Variants in SLC35D1 observed in about 807,000 individuals in gnomAD.
SLC35D1 encodes solute carrier family 35 member D1.
Under a neutral mutation model 46.7 loss-of-function variants are expected in SLC35D1, and 31 were observed. The observed-to-expected ratio is 0.66, with a 90% CI of 0.50 to 0.90. SLC35D1 has a LOEUF of 0.90. Among genes scored for constraint, SLC35D1 ranks in the 40% least tolerant of loss-of-function variants. The pLI is 0.00. For missense variants in SLC35D1, 397 were observed against 426.2 expected, an observed-to-expected ratio of 0.93 and a Z score of 0.60; for synonymous variants, 195 against 164.6, an observed-to-expected ratio of 1.18 and a Z score of -1.41.
intron 7 of SLC35D1, among the ~76,000 whole-genome samples, chr1:67,042,912 A>G (rs1645208952): frequency 6.6e-6 from 1 of 152,106 alleles, no homozygotes; most frequent in African/African-American, 2.4e-5. Flanking sequence ...AAAAATACAA[A>G]AACAGCCAGG....
At chr1:67,008,485 C>A in intron 11 of SLC35D1, 1 of 1,285,924 alleles carries the variant, frequency 7.8e-7, no homozygotes, top group East Asian at 5.6e-5. Flanking sequence ...AGTTACAGTT[C>A]CTGAGACAGG....
chr1:67,033,053 A>G (rs994839403), intron 8 of SLC35D1, among the ~76,000 whole-genome samples: 1 of 152,098 alleles, frequency 6.6e-6, no homozygotes, highest in Non-Finnish European at 1.5e-5. Context: ...AGTTCCATCC[A>G]TGTTGTTGCA....
At position 67,004,345 on chromosome 1, in the gene SLC35D1, C is replaced by T; in HGVS notation, c.1063G>A (p.Val355Met). The T allele has an allele frequency of 6.2e-7, 1 of 1,613,948 alleles. No individual in the cohort carries two copies. Among genetic ancestry groups the T allele is most frequent in the South Asian group, 1.1e-5 (1 of 91,084 alleles). The change falls in exon 12 of 12, where the codon GTG (valine) becomes ATG (methionine). Residue 355 changes from valine to methionine, a missense_variant. Coordinates refer to ENST00000235345, the MANE Select transcript of SLC35D1 (RefSeq NM_015139.3). ...CAGATGAAGCAATCCTCTGGTCACA[C>T]TGCTCCTTTCCCCTTAATGTCCAGC... ...NKLDIKGKGA[V>M]
the SLC35D1 span, among the ~76,000 whole-genome samples, chr1:66,979,483 G>T: frequency 6.6e-6 from 1 of 152,084 alleles, no homozygotes; most frequent in Non-Finnish European, 1.5e-5. Flanking sequence ...TTTACTACCT[G>T]GAAGAATTGG....
At chr1:67,032,810 T>C (rs1266293103) in intron 8 of SLC35D1, among the ~76,000 whole-genome samples, 2 of 152,204 alleles carry the variant, frequency 1.3e-5, no homozygotes, top group Admixed American at 1.3e-4. Context: ...TGAACAATTA[T>C]CTTGTTGTGC....
intron 9 of SLC35D1, 80 bp downstream of exon 9, chr1:67,021,455 T>C (rs1667796219): frequency 7.1e-7 from 1 of 1,410,638 alleles, no homozygotes; most frequent in Non-Finnish European, 1.0e-6. Context: ...GACCTAAAGA[T>C]ATTGAGAAAA....
intron 10 of SLC35D1, among the ~76,000 whole-genome samples, chr1:67,012,996 T>C (rs1667597901): frequency 6.6e-6 from 1 of 151,616 alleles, no homozygotes; most frequent in Non-Finnish European, 1.5e-5. Flanking sequence ...ATAAAAAAAA[T>C]TCAAAAGGCA....
At chr1:67,028,419 A>G (rs967170224) in intron 8 of SLC35D1, among the ~76,000 whole-genome samples, 1 of 152,180 alleles carries the variant, frequency 6.6e-6, no homozygotes, top group Non-Finnish European at 1.5e-5. Flanking sequence ...TTTATCAATT[A>G]CTGAGTTAAA....
the SLC35D1 span, among the ~76,000 whole-genome samples, chr1:66,979,784 C>T: frequency 8.8e-5 from 13 of 147,556 alleles, no homozygotes; most frequent in East Asian, 2.0e-4. Flanking sequence ...TTTTTAAAGA[C>T]GGAGTCTCAA....
rs193161298 is a variant in SLC35D1, at chr1:67,027,175, A to G, written c.730-5573T>C. On this transcript the variant is annotated intron_variant, in intron 8 of 11. Coordinates refer to ENST00000235345, the MANE Select transcript of SLC35D1 (RefSeq NM_015139.3). Reference sequence around the variant, plus strand: ...TCTCAGTTGTCAAGTTTATTGGCATAATATTGTTCATAATATTCTCTTACT... The same window carrying G: ...TCTCAGTTGTCAAGTTTATTGGCATGATATTGTTCATAATATTCTCTTACT... Among the ~76,000 whole-genome samples the G allele has an allele frequency of 3.3e-3, 500 of 152,292 alleles. 6 individuals are homozygous for G. The highest frequency in any genetic ancestry group is 0.023 in the South Asian group (113 of 4,828).
At chr1:66,986,523 T>A in the SLC35D1 span, 1 of 1,359,568 alleles carries the variant, frequency 7.4e-7, no homozygotes, top group Non-Finnish European at 1.0e-6. Context: ...TGTAATTGAG[T>A]GAAGGTTTGC....
At chr1:66,997,494 C>A (rs1667250387), downstream of SLC35D1, among the ~76,000 whole-genome samples, 1 of 99,058 alleles carries the variant, frequency 1.0e-5, no homozygotes, top group Non-Finnish European at 2.0e-5. Flanking sequence ...CAGAGTGAGA[C>A]CCTGTGTTAA....
chr1:67,004,271 G>T lies in SLC35D1; in HGVS notation c.*69C>A, dbSNP rs1667400548. 6 of 1,292,456 alleles carry T rather than the reference G, an allele frequency of 4.6e-6. No homozygotes were observed. The highest frequency in any genetic ancestry group is 1.8e-4 in the Middle Eastern group (1 of 5,494). 80.1% of individuals were successfully genotyped at this position (1,292,456 alleles called of 1,614,324 possible). ...ATAATCAAGACACCTCAGTGTCTCTGTAGGAACTGCCAGTGTTCTGAGTTG... is the reference window on the plus strand; with the variant it reads ...ATAATCAAGACACCTCAGTGTCTCTTTAGGAACTGCCAGTGTTCTGAGTTG... On this transcript the variant is annotated 3_prime_UTR_variant, in exon 12 of 12. Transcript: ENST00000235345.
intron 10 of SLC35D1, among the ~76,000 whole-genome samples, chr1:67,010,134 C>T (rs756103712): frequency 5.9e-5 from 9 of 152,038 alleles, no homozygotes; most frequent in Non-Finnish European, 8.8e-5. Flanking sequence ...AGCTAAACAC[C>T]GAATATACAT....
intron 8 of SLC35D1, among the ~76,000 whole-genome samples, chr1:67,032,438 T>C (rs1432771759): frequency 1.3e-5 from 2 of 152,126 alleles, no homozygotes; most frequent in Non-Finnish European, 2.9e-5. Flanking sequence ...CCCAGCACTT[T>C]GGGAGGCCGA....
At chr1:66,981,480 A>G in the SLC35D1 span, among the ~76,000 whole-genome samples, 2 of 152,142 alleles carry the variant, frequency 1.3e-5, no homozygotes, top group South Asian at 4.1e-4. Context: ...CAGTTAAGAG[A>G]TCTTCCAGTT....
At chr1:67,053,746 G>GCGCCGCGCCGC (rs1645338358) in intron 1 of SLC35D1, 65 bp downstream of exon 1, 1 of 1,373,438 alleles carries the variant, frequency 7.3e-7, no homozygotes, top group African/African-American at 1.5e-5. Context: ...CAGGGAGCCG[G>GCGCCGCGCCGC]CGCCGCGCCG....
At chr1:66,995,056 A>C (rs1056342921), downstream of SLC35D1, among the ~76,000 whole-genome samples, 1 of 152,082 alleles carries the variant, frequency 6.6e-6, no homozygotes, top group Non-Finnish European at 1.5e-5. Context: ...TTAGGACCTC[A>C]TCATTCTCAC....
intron 7 of SLC35D1, among the ~76,000 whole-genome samples, chr1:67,045,743 T>C (rs1179708594): frequency 6.6e-6 from 1 of 152,198 alleles, no homozygotes; most frequent in Non-Finnish European, 1.5e-5. Context: ...TATAATCACA[T>C]AAAACTACTG....
Sources: allele counts gnomAD v4.1 joint callset (sites outside exome capture counted in the v4.1 genomes callset), GRCh38; gene constraint gnomAD v4.1.1; transcripts MANE v1.5; gene names NCBI Gene and HGNC (gene_info 2026-07-23, HGNC 2026-07-21).